The following CHDH variants were observed in gnomAD, a reference collection of about 807,000 sequenced individuals.
The protein encoded by CHDH is choline dehydrogenase, mitochondrial.
Under a neutral mutation model 56.9 loss-of-function variants are expected in CHDH, and 43 were observed. That is an observed-to-expected ratio of 0.76 (90% confidence interval 0.59 to 0.97). The LOEUF (loss-of-function observed/expected upper bound fraction) is 0.97. Ranked by LOEUF, CHDH falls within the 50% of genes least tolerant of loss-of-function variation. The probability of loss-of-function intolerance (pLI) is 0.00; values close to 1 mark genes in which losing one functional copy is unlikely to be tolerated. For missense variants in CHDH, 816 were observed against 821.1 expected (o/e 0.99, Z 0.08); for synonymous variants, 364 against 348.5 (o/e 1.04, Z -0.50).
chr3:53,825,184 C>T (rs1287970277), intron 2 of CHDH, among the ~76,000 whole-genome samples: 1 of 152,200 alleles, frequency 6.6e-6, no homozygotes, highest in African/African-American at 2.4e-5. Flanking sequence ...ATACTGTTTA[C>T]CTCAGTCTCC....
chr3:53,818,288 C>T, intron 8 of CHDH, 93 bp from the exon 9 acceptor site: 1 of 1,175,058 alleles, frequency 8.5e-7, no homozygotes, highest in Non-Finnish European at 1.2e-6. Flanking sequence ...TGTAAGCTGT[C>T]TGAGGGGATG....
Position 53,821,629 on chromosome 3 carries a change from G to C in CHDH, c.985+18C>G. The C allele has an allele frequency of 6.2e-7, 1 of 1,610,732 alleles. No individual in the cohort carries two copies. Among genetic ancestry groups the C allele is most frequent in the East Asian group, 2.2e-5 (1 of 44,870 alleles). ...GAGCAGAGACAGCCTCTGGGGAGCA[G>C]TAAAGAAGGGGACTCACCAGGTAGG... On this transcript the variant is annotated intron_variant, in intron 5 of 8. Transcript: ENST00000315251.
chr3:53,817,602 T>TAG lies in CHDH; in HGVS notation c.*174_*175insCT. The TAG allele has an allele frequency of 1.7e-6, 1 of 572,786 alleles. No homozygotes were observed. Among genetic ancestry groups the TAG allele is most frequent in the Non-Finnish European group, 3.0e-6 (1 of 332,446 alleles). 35.5% of individuals were successfully genotyped at this position (572,786 alleles called of 1,614,324 possible). ...GCTGGGGAAAAGGAGCTGGATTCAC[T>TAG]GCCCAGTACTTGTCTCATTTCCCAA... On this transcript the variant is annotated 3_prime_UTR_variant, in exon 9 of 9. Coordinates refer to ENST00000315251, the MANE Select transcript of CHDH (RefSeq NM_018397.5).
In CHDH at chr3:53,820,565, C is replaced by T. The variant is rs1385898559; in HGVS notation, c.1029G>A (p.Gln343=). 1.9e-6 allele frequency: 3 copies of T among 1,614,024 alleles called. No individual in the cohort carries two copies. Among genetic ancestry groups the T allele is most frequent in the Non-Finnish European group, 2.5e-6 (3 of 1,179,966 alleles). Residue 343 remains glutamine (Q), a synonymous_variant, in exon 6 of 9, where the codon CAG becomes CAA. Transcript: ENST00000315251. ...GGGTGATAGGGCGGGTGCATGCCTGCTGAATGTAGATCTCCAGGTGGTCTT... is the reference window on the plus strand; with the variant it reads ...GGGTGATAGGGCGGGTGCATGCCTGTTGAATGTAGATCTCCAGGTGGTCTT... ...NLQDHLEIYI[Q]QACTRPITLH...
intron 1 of CHDH, among the ~76,000 whole-genome samples, chr3:53,844,122 C>T (rs538589851): frequency 7.9e-5 from 12 of 152,308 alleles, no homozygotes; most frequent in Admixed American, 1.3e-4. Context: ...CGAAACTGAA[C>T]CAGGTATCAC....
chr3:53,822,757 G>A (rs754304638), intron 3 of CHDH, 115 bp from the exon 4 acceptor site: 196 of 1,299,684 alleles, frequency 1.5e-4, no homozygotes, highest in Non-Finnish European at 2.0e-4. Flanking sequence ...TGCAAGTCCC[G>A]CCTTCAAAGT....
At chr3:53,836,062 A>G (rs1450543508) in intron 2 of CHDH, among the ~76,000 whole-genome samples, 1 of 152,230 alleles carries the variant, frequency 6.6e-6, no homozygotes, top group African/African-American at 2.4e-5. Flanking sequence ...ACAGCCCAGC[A>G]GAGCCTCCCA....
At chr3:53,822,719 A>G (rs2095629982) in intron 3 of CHDH, 77 bp from the exon 4 acceptor site, 1 of 1,531,654 alleles carries the variant, frequency 6.5e-7, no homozygotes, top group Admixed American at 1.8e-5. Flanking sequence ...AGCTGGAGAA[A>G]GAAAGAGTGG....
At chr3:53,825,707 A>AAAAC (rs1237196873) in intron 2 of CHDH, among the ~76,000 whole-genome samples, 1 of 152,200 alleles carries the variant, frequency 6.6e-6, no homozygotes, top group African/African-American at 2.4e-5. Flanking sequence ...AGTGCAAGAC[A>AAAAC]AAACACTATG....
intron 2 of CHDH, 43 bp from the exon 3 acceptor site, chr3:53,824,110 T>C: frequency 8.6e-7 from 1 of 1,161,302 alleles, no homozygotes; most frequent in Non-Finnish European, 1.2e-6. Context: ...ACTCCGCATA[T>C]CCAGGGTATG....
chr3:53,819,150 G>C lies in CHDH; in HGVS notation c.1264-110C>G, dbSNP rs548832951. 6.8e-6 allele frequency: 5 copies of C among 730,666 alleles called. No homozygotes were observed. Among genetic ancestry groups the C allele is most frequent in the Non-Finnish European group, 1.2e-5 (5 of 431,152 alleles). The allele number at this position is 730,666 out of a possible 1,614,324, so 45.3% of individuals were successfully genotyped here. A position where few individuals can be genotyped will look rare whatever the true frequency, so the allele number is the denominator to read the frequency against. The stretch of plus-strand genomic sequence containing the variant: ...GGCCTCTGCTTCCAGAATCAGTGGG[G>C]AACAGATGCATGTTAGCATTTGCCC... On this transcript the variant is annotated intron_variant, in intron 7 of 8. Transcript: ENST00000315251. This position sits in a 1 kb window ranked among gnomAD's most constrained non-coding sequence, Gnocchi z 5.4.
intron 2 of CHDH, among the ~76,000 whole-genome samples, chr3:53,826,349 C>A (rs2095639078): frequency 6.6e-6 from 1 of 151,330 alleles, no homozygotes; most frequent in African/African-American, 2.4e-5. Context: ...CAATATCTTT[C>A]ATGAACATAG....
intron 2 of CHDH, among the ~76,000 whole-genome samples, chr3:53,838,278 G>A (rs903537254): frequency 3.9e-5 from 6 of 152,132 alleles, no homozygotes; most frequent in East Asian, 1.9e-4. Context: ...AACAGAGGTC[G>A]CTGCTGGGGA....
chr3:53,825,649 G>C (rs1015432493), intron 2 of CHDH, among the ~76,000 whole-genome samples: 4 of 152,140 alleles, frequency 2.6e-5, no homozygotes, highest in African/African-American at 7.2e-5. Flanking sequence ...CAGAGAACAA[G>C]GGAGGAGAAA....
intron 2 of CHDH, among the ~76,000 whole-genome samples, chr3:53,832,186 A>G (rs1368284645): frequency 6.6e-6 from 1 of 152,210 alleles, no homozygotes; most frequent in Non-Finnish European, 1.5e-5. Flanking sequence ...CAATGTTTAC[A>G]GCATCATTAT....
chr3:53,835,942 A>T (rs1421876468), intron 2 of CHDH, among the ~76,000 whole-genome samples: 2 of 152,218 alleles, frequency 1.3e-5, no homozygotes, highest in African/African-American at 4.8e-5. Context: ...GGCCCAGCCA[A>T]CAAAGCCACA....
chr3:53,818,263 G>A (rs945800627), intron 8 of CHDH, 68 bp from the exon 9 acceptor site: 77 of 1,360,294 alleles, frequency 5.7e-5, no homozygotes, highest in Admixed American at 7.4e-5. Flanking sequence ...GAAGATTCAC[G>A]GCATGGAGAG....
At position 53,821,314 on chromosome 3, in the gene CHDH, G is replaced by A. The variant is rs73843324; in HGVS notation, c.985+333C>T. The stretch of plus-strand genomic sequence containing the variant: ...CGAGTCCTGTGGATGGAAGGACGAG[G>A]CCTGGACCCCTCTCGCCATAGAGCT... On this transcript the variant is annotated intron_variant, in intron 5 of 8. Coordinates refer to ENST00000315251, the MANE Select transcript of CHDH (RefSeq NM_018397.5). Among the ~76,000 whole-genome samples, 1,334 of 148,688 alleles carry A rather than the reference G, an allele frequency of 9.0e-3. 17 individuals are homozygous for A. Among genetic ancestry groups the A allele is most frequent in the African/African-American group, 0.03 (1,225 of 40,310 alleles).
In CHDH at chr3:53,816,142, C is replaced by CT. The variant is rs2095615571; in HGVS notation, c.*1634_*1635insA. 1 of 115,308 alleles carries CT rather than the reference C, an allele frequency of 8.7e-6. No individual in the cohort carries two copies. Among genetic ancestry groups the CT allele is most frequent in the Admixed American group, 8.3e-5 (1 of 12,052 alleles). The allele number at this position is 115,308 out of a possible 1,614,324, so 7.1% of individuals were successfully genotyped here. A position where few individuals can be genotyped will look rare whatever the true frequency, so the allele number is the denominator to read the frequency against. On this transcript the variant is annotated 3_prime_UTR_variant, in exon 9 of 9. Transcript: ENST00000315251. ...CTTGTGGCTGTCGGACGCCCCCCCC[C>CT]CCCGCCCCAGTCTGTAAGCCGCCCC...
Sources: gnomAD v4.1 joint callset for allele counts (sites outside exome capture counted in the v4.1 genomes callset) on GRCh38, gnomAD v4.1.1 for gene constraint, Gnocchi (gnomAD v3.1) non-coding constraint, MANE v1.5 for transcripts, NCBI Gene and HGNC (gene_info 2026-07-23, HGNC 2026-07-21) for gene names.